TSTD2: variants seen among roughly 807,000 people sequenced by gnomAD.
TSTD2 encodes thiosulfate sulfurtransferase/rhodanese-like domain-containing protein 2.
Under a neutral mutation model 47.9 loss-of-function variants are expected in TSTD2, and 37 were observed. The ratio of observed to expected loss-of-function variants is 0.77; its 90% CI spans 0.59 to 1.02. The LOEUF is 1.02. Ranked by LOEUF, TSTD2 falls within the 50% of genes least tolerant of loss-of-function variation. The pLI is 0.00. For missense variants in TSTD2, 586 were observed against 616.0 expected (o/e 0.95, Z 0.52); for synonymous variants, 201 against 215.9 (o/e 0.93, Z 0.61).
chr9:97,619,056 T>C (rs185447738), intron 3 of TSTD2, among the ~76,000 whole-genome samples: 33 of 152,368 alleles, frequency 2.2e-4, no homozygotes, highest in Admixed American at 3.9e-4. Flanking sequence ...GGGCCATATC[T>C]GTATAGCACA....
At position 97,601,896 on chromosome 9, in the gene TSTD2, G is replaced by C. The variant is rs1826268560; in HGVS notation, c.*573C>G. On this transcript the variant is annotated 3_prime_UTR_variant, in exon 10 of 10. Coordinates refer to ENST00000341170, the MANE Select transcript of TSTD2 (RefSeq NM_139246.5). ...TTCTGTAGGGCCCACTGTGGGACTTGAGTATGCATTGGGTTTTTGTATACT... is the reference window on the plus strand; with the variant it reads ...TTCTGTAGGGCCCACTGTGGGACTTCAGTATGCATTGGGTTTTTGTATACT... 1 of 152,540 alleles carries C rather than the reference G, an allele frequency of 6.6e-6. No homozygotes were observed. The highest frequency in any genetic ancestry group is 1.5e-5 in the Non-Finnish European group (1 of 68,326). The allele number at this position is 152,540 out of a possible 1,614,324, so 9.4% of individuals were successfully genotyped here.
In TSTD2 at chr9:97,605,352, C is replaced by A. The variant is rs1411344; in HGVS notation, c.1113+131G>T. The A allele has an allele frequency of 6.6e-6, 7 of 1,063,684 alleles. No individual in the cohort carries two copies. In the South Asian group the frequency reaches 9.5e-5, roughly 14 times the overall value. The allele number at this position is 1,063,684 out of a possible 1,614,324, so 65.9% of individuals were successfully genotyped here. On this transcript the variant is annotated intron_variant, in intron 8 of 9. Coordinates refer to ENST00000341170, the MANE Select transcript of TSTD2 (RefSeq NM_139246.5). The stretch of plus-strand genomic sequence containing the variant: ...TTACGAACTCCATGCTGGAGCCATA[C>A]GAGGGGTGAAGGCATGCTTTGGCTG...
intron 7 of TSTD2, 86 bp downstream of exon 7, chr9:97,606,057 A>C (rs1826360296): frequency 9.7e-7 from 1 of 1,034,558 alleles, no homozygotes. Flanking sequence ...AGGTGGGCAC[A>C]CACAAGGTCC....
chr9:97,618,720 A>T (rs1826583538), intron 3 of TSTD2, among the ~76,000 whole-genome samples: 1 of 152,170 alleles, frequency 6.6e-6, no homozygotes, highest in African/African-American at 2.4e-5. Context: ...CTAGTGTTCC[A>T]CAGAACATAT....
In TSTD2 at chr9:97,627,438, T is replaced by C; in HGVS notation, c.125A>G (p.Asp42Gly). Residue 42 changes from aspartate (D) to glycine (G), a missense_variant, in exon 2 of 10, where the codon GAT (aspartate) becomes GGT (glycine). Asp to Gly is a moderately conservative substitution (Grantham distance 94, BLOSUM62 -1). Transcript: ENST00000341170. ...CGAGTATTTCTTTTTTGTACTGCCATCTAATTCTGCTTTAAGACTGCTGCT... is the reference window on the plus strand; with the variant it reads ...CGAGTATTTCTTTTTTGTACTGCCACCTAATTCTGCTTTAAGACTGCTGCT... The part of the protein sequence containing the change: ...NPSSSLKAEL[D>G]GSTKKKYSFA... 6.2e-7 allele frequency: 1 copy of C among 1,607,752 alleles called. No homozygotes were observed. The highest frequency in any genetic ancestry group is 8.5e-7 in the Non-Finnish European group (1 of 1,176,974).
chr9:97,602,661 T>C lies in TSTD2; in HGVS notation c.1359A>G (p.Thr453=), dbSNP rs1587973502. The change falls in exon 10 of 10, where the codon ACA becomes ACG. Residue 453 remains threonine, a synonymous_variant. Coordinates refer to ENST00000341170, the MANE Select transcript of TSTD2 (RefSeq NM_139246.5). ...TGTCTTGACATGTGACACAACAGGC[T>C]GTGAATCCTTGTCCTTGACAGGCAG... ...TCPACQGQGF[T]ACCVTCQDKG... 2.5e-6 allele frequency: 4 copies of C among 1,614,206 alleles called. No homozygotes were observed. The East Asian group carries it at 8.9e-5, about 36-fold the overall frequency.
At chr9:97,621,115 T>C (rs1485893253) in intron 3 of TSTD2, among the ~76,000 whole-genome samples, 1 of 152,224 alleles carries the variant, frequency 6.6e-6, no homozygotes, top group Non-Finnish European at 1.5e-5. Context: ...ACATAAGTTG[T>C]GAAGATTTCA....
At chr9:97,605,705 CT>C in intron 7 of TSTD2, 64 bp from the exon 8 acceptor site, 3 of 1,601,882 alleles carry the variant, frequency 1.9e-6, no homozygotes, top group East Asian at 4.5e-5. Context: ...AACAAAGGTT[CT>C]TTTTGTACCC....
intron 6 of TSTD2, 96 bp from the exon 7 acceptor site, chr9:97,606,357 C>T: frequency 1.5e-6 from 1 of 679,722 alleles, no homozygotes; most frequent in Non-Finnish European, 2.5e-6. Context: ...TGCTTTGTTT[C>T]TTTCCACCCA....
intron 9 of TSTD2, 190 bp downstream of exon 9, chr9:97,604,537 C>A (rs1826331396): frequency 1.3e-6 from 1 of 796,432 alleles, no homozygotes; most frequent in East Asian, 2.9e-5. Flanking sequence ...CAACCCAGGC[C>A]TCCTGACTCC....
rs1351732113 is a variant in TSTD2, at chr9:97,601,113, C to T, written c.*1356G>A. 10 of 1,304,298 alleles carry T rather than the reference C, an allele frequency of 7.7e-6. No individual in the cohort carries two copies. The East Asian group carries it at 4.4e-4, about 58-fold the overall frequency. 80.8% of individuals were successfully genotyped at this position (1,304,298 alleles called of 1,614,324 possible). On this transcript the variant is annotated 3_prime_UTR_variant, in exon 10 of 10. Transcript: ENST00000341170. ...GGCCTCAGCGCTATGGAAGAGTGTC[C>T]ACTGAGGCTGCACATGGCCCAGGAG... is the stretch of plus-strand genomic sequence containing the variant.
chr9:97,610,191 C>CAT, intron 6 of TSTD2, 155 bp downstream of exon 6: 1 of 522,312 alleles, frequency 1.9e-6, no homozygotes, highest in East Asian at 3.4e-5. Flanking sequence ...CACAGAGAAA[C>CAT]AGTATAAGCA....
rs972879874 is a variant in TSTD2 at position 97,601,503 on chromosome 9, G to A, written c.*966C>T. 4 of 989,496 alleles carry A rather than the reference G, an allele frequency of 4.0e-6. No individual in the cohort carries two copies. The highest frequency in any genetic ancestry group is 4.8e-6 in the Non-Finnish European group (4 of 832,398). The allele number at this position is 989,496 out of a possible 1,614,324, so 61.3% of individuals were successfully genotyped here. A position where few individuals can be genotyped will look rare whatever the true frequency, so the allele number is the denominator to read the frequency against. ...GAGCTATCAGAGGAAATCTCTCATAGAAACGAAACCAAACCAACAGAAAAT... is the reference window on the plus strand; with the variant it reads ...GAGCTATCAGAGGAAATCTCTCATAAAAACGAAACCAAACCAACAGAAAAT... On this transcript the variant is annotated 3_prime_UTR_variant, in exon 10 of 10. Transcript: ENST00000341170.
intron 1 of TSTD2, among the ~76,000 whole-genome samples, chr9:97,632,887 G>A (rs1587987944): frequency 6.6e-6 from 1 of 152,340 alleles, no homozygotes; most frequent in East Asian, 1.9e-4. Context: ...TAGGCCGGGA[G>A]AGTGAAATTT....
rs370281286 is a variant in TSTD2, at chr9:97,624,540, T to C, written c.482+1141A>G. Among the ~76,000 whole-genome samples, 9 of 152,280 alleles carry C rather than the reference T, an allele frequency of 5.9e-5. No individual in the cohort carries two copies. In the East Asian group the frequency reaches 7.7e-4, roughly 13 times the overall value. On this transcript the variant is annotated intron_variant, in intron 3 of 9. Coordinates refer to ENST00000341170, the MANE Select transcript of TSTD2 (RefSeq NM_139246.5). Reference sequence around the variant, plus strand: ...AGCAATAATACAGAGAGTTTGGATCTAGAATTAGAAGAGAGGGAGGAGAGG... The same window carrying C: ...AGCAATAATACAGAGAGTTTGGATCCAGAATTAGAAGAGAGGGAGGAGAGG...
rs1438581104 is a variant in TSTD2, at chr9:97,601,685, A to G, written c.*784T>C. The G allele has an allele frequency of 3.3e-6, 2 of 598,222 alleles. No homozygotes were observed. The highest frequency in any genetic ancestry group is 4.2e-6 in the Non-Finnish European group (2 of 475,592). The allele number at this position is 598,222 out of a possible 1,614,324, so 37.1% of individuals were successfully genotyped here. On this transcript the variant is annotated 3_prime_UTR_variant, in exon 10 of 10. Transcript: ENST00000341170. ...TGTTGCAACTATTCAACTCTGCCAT[A>G]GATCATGTGTAAAGGAATGGGTGTG...
At position 97,625,745 on chromosome 9, in the gene TSTD2, G is replaced by A. The variant is rs1268708026; in HGVS notation, c.418C>T (p.His140Tyr). The A allele has an allele frequency of 6.2e-7, 1 of 1,614,158 alleles. No individual in the cohort carries two copies. The change falls in exon 3 of 10, where the codon CAT (histidine) becomes TAT (tyrosine). Residue 140 changes from histidine to tyrosine, a missense_variant. His to Tyr is a moderately conservative substitution (Grantham distance 83). Transcript: ENST00000341170. ...AGCCAAGCAGACACGTCATGGCTATGTGGAAGGCACTCTTTTAAAGGGTTC... is the reference window on the plus strand; with the variant it reads ...AGCCAAGCAGACACGTCATGGCTATATGGAAGGCACTCTTTTAAAGGGTTC... ...EKNPLKECLPHSHDVSAWLPD... is the reference protein window; with the variant it reads ...EKNPLKECLPYSHDVSAWLPD...
chr9:97,605,358 G>T, intron 8 of TSTD2, 125 bp downstream of exon 8: 1 of 1,163,082 alleles, frequency 8.6e-7, no homozygotes, highest in Non-Finnish European at 1.2e-6. Context: ...CATACGAGGG[G>T]TGAAGGCATG....
intron 6 of TSTD2, among the ~76,000 whole-genome samples, chr9:97,608,075 C>T (rs906895233): frequency 2.6e-5 from 4 of 152,000 alleles, no homozygotes; most frequent in East Asian, 1.9e-4. Flanking sequence ...CCCAGCTACT[C>T]GGGAGGCTGA....
Sources: gnomAD v4.1 joint callset for allele counts (sites outside exome capture counted in the v4.1 genomes callset) on GRCh38, gnomAD v4.1.1 for gene constraint, MANE v1.5 for transcripts, NCBI Gene and HGNC (gene_info 2026-07-23, HGNC 2026-07-21) for gene names.